STARD13: variants seen among roughly 807,000 people sequenced by gnomAD.
STARD13 encodes stAR-related lipid transfer protein 13.
A neutral mutation model predicts 106.4 loss-of-function variants in STARD13; 62 were observed. The ratio of observed to expected loss-of-function variants is 0.58; its 90% CI spans 0.48 to 0.72. The LOEUF is 0.72. Ranked by LOEUF, STARD13 falls within the 30% of genes least tolerant of loss-of-function variation. The pLI, the probability that STARD13 is intolerant of heterozygous loss-of-function variation, is 0.00. For missense variants in STARD13, 1,387 were observed against 1,424.0 expected (o/e 0.97, Z 0.42); for synonymous variants, 565 against 553.0 (o/e 1.02, Z -0.31).
At chr13:33,546,362 A>G in the STARD13 span, among the ~76,000 whole-genome samples, 3 of 152,206 alleles carry the variant, frequency 2.0e-5, no homozygotes, top group Non-Finnish European at 4.4e-5. Context: ...TTTATTTGCT[A>G]TAATCAATAG....
chr13:33,493,242 G>C, the STARD13 span, among the ~76,000 whole-genome samples: 28 of 152,106 alleles, frequency 1.8e-4, no homozygotes, highest in African/African-American at 6.5e-4. Context: ...CGGAACCAAG[G>C]CTCAGACACT....
intron 1 of STARD13, among the ~76,000 whole-genome samples, chr13:33,230,581 A>G (rs779747372): frequency 1.3e-5 from 2 of 152,160 alleles, no homozygotes; most frequent in African/African-American, 4.8e-5. Context: ...ACTTTTTTTC[A>G]TCACCCTTTC....
chr13:33,285,885 GA>G (rs1195505975), upstream of STARD13: 1 of 730,642 alleles, frequency 1.4e-6, no homozygotes, highest in East Asian at 4.2e-5. Flanking sequence ...GCCCCGACCA[GA>G]GGCAGTTCCA....
chr13:33,463,153 C>T, the STARD13 span, among the ~76,000 whole-genome samples: 1 of 152,054 alleles, frequency 6.6e-6, no homozygotes, highest in Non-Finnish European at 1.5e-5. Context: ...CTTGATTTTG[C>T]CCAGGAAAGA....
At chr13:33,327,608 G>A (rs1033534780) in intron 1 of STARD13, among the ~76,000 whole-genome samples, 7 of 152,104 alleles carry the variant, frequency 4.6e-5, no homozygotes, top group Non-Finnish European at 1.0e-4. Context: ...TGGCCTCAAG[G>A]GATCCTCTGG....
the STARD13 span, among the ~76,000 whole-genome samples, chr13:33,399,668 T>G: frequency 1.8e-5 from 2 of 114,144 alleles, no homozygotes; most frequent in African/African-American, 6.9e-5. Context: ...ACCACTGCAC[T>G]CCAGCCTGGG....
chr13:33,399,442 C>T, the STARD13 span, among the ~76,000 whole-genome samples: 1 of 152,026 alleles, frequency 6.6e-6, no homozygotes, highest in Non-Finnish European at 1.5e-5. Context: ...CACCTGTAAT[C>T]CCAGGACTTT....
At chr13:33,639,333 C>A in the STARD13 span, among the ~76,000 whole-genome samples, 216 of 152,316 alleles carry the variant, frequency 1.4e-3, no homozygotes, top group African/African-American at 4.6e-3. Context: ...AGGCCTTGAG[C>A]ATCTGCTATC....
intron 1 of STARD13, among the ~76,000 whole-genome samples, chr13:33,222,157 A>G (rs928304633): frequency 2.2e-4 from 33 of 152,022 alleles, no homozygotes; most frequent in Non-Finnish European, 3.8e-4. Context: ...CAAAAAAAAA[A>G]GGGGCATTCT....
the STARD13 span, among the ~76,000 whole-genome samples, chr13:33,448,154 C>T: frequency 9.9e-4 from 150 of 152,068 alleles, no homozygotes; most frequent in Non-Finnish European, 1.7e-3. Flanking sequence ...ATTATAATAG[C>T]GTATCCAGCA....
In STARD13 at chr13:33,111,792, C is replaced by T. The variant is rs370315246; in HGVS notation, c.2593G>A (p.Asp865Asn). 8.7e-6 allele frequency: 14 copies of T among 1,613,514 alleles called. No individual in the cohort carries two copies. In the African/African-American group the frequency reaches 9.3e-5, roughly 11 times the overall value. The part of the protein sequence containing the change: ...QGLAHMIMEC[D>N]RLFEVPHELV... ...CTTTTGCTCACCTCAAAAAGTCTGT[C>T]GCATTCCATGATCATGTGCGCTAGC... Residue 865 changes from aspartate to asparagine, a missense_variant, in exon 10 of 14, where the codon GAC becomes AAC. Transcript: ENST00000336934.
At chr13:33,348,709 A>G (rs2078041036) in exon 2 of STARD13, 1 of 168,046 alleles carries the variant, frequency 6.0e-6, no homozygotes, top group East Asian at 1.5e-4. Flanking sequence ...AGGGAAAGTT[A>G]CTAATTGTTA....
At chr13:33,186,024 G>C (rs78643746) in intron 1 of STARD13, 8 of 1,613,978 alleles carry the variant, frequency 5.0e-6, no homozygotes, top group Non-Finnish European at 6.8e-6. Flanking sequence ...TTCCAGCATG[G>C]AGGTTCAAAG....
the STARD13 span, among the ~76,000 whole-genome samples, chr13:33,490,839 A>C: frequency 2.0e-5 from 3 of 152,202 alleles, no homozygotes; most frequent in African/African-American, 7.2e-5. Flanking sequence ...GCGGGTGGCC[A>C]AGCTGAAAGA....
At chr13:33,144,541 C>T (rs1202508244) in intron 3 of STARD13, among the ~76,000 whole-genome samples, 1 of 152,220 alleles carries the variant, frequency 6.6e-6, no homozygotes, top group Non-Finnish European at 1.5e-5. Context: ...CGTTTAATGA[C>T]TCTCCTCATT....
downstream of STARD13, among the ~76,000 whole-genome samples, chr13:33,346,753 C>CCA: frequency 6.6e-6 from 1 of 152,060 alleles, no homozygotes; most frequent in Non-Finnish European, 1.5e-5. Flanking sequence ...CCTCAGCCTC[C>CCA]TGAGTAGCTG....
the STARD13 span, among the ~76,000 whole-genome samples, chr13:33,483,191 T>C: frequency 6.6e-6 from 1 of 152,210 alleles, no homozygotes; most frequent in African/African-American, 2.4e-5. Flanking sequence ...AAATCTGGAA[T>C]GAATTTTAAC....
At chr13:33,241,535 G>GCCCCTCCCCCTC (rs1023682671) in intron 1 of STARD13, among the ~76,000 whole-genome samples, 1 of 148,332 alleles carries the variant, frequency 6.7e-6, no homozygotes, top group African/African-American at 2.6e-5. Context: ...TAAAAAGTAT[G>GCCCCTCCCCCTC]CCCCTCCCCC....
chr13:33,512,888 C>G, the STARD13 span, among the ~76,000 whole-genome samples: 1 of 152,154 alleles, frequency 6.6e-6, no homozygotes, highest in Non-Finnish European at 1.5e-5. Flanking sequence ...TCAGAAGAAA[C>G]CAACCCTGTG....
Sources: allele counts gnomAD v4.1 joint callset (sites outside exome capture counted in the v4.1 genomes callset), GRCh38; gene constraint gnomAD v4.1.1; transcripts MANE v1.5; gene names NCBI Gene and HGNC (gene_info 2026-07-23, HGNC 2026-07-21).